The following KIZ variants were observed in gnomAD, a reference collection of about 807,000 sequenced individuals.
KIZ encodes centrosomal protein kizuna.
A neutral mutation model predicts 79.6 loss-of-function variants in KIZ; 68 were observed. The observed-to-expected ratio is 0.85, with a 90% CI of 0.70 to 1.05. KIZ has a LOEUF of 1.05. Among genes scored for constraint, KIZ ranks in the 50% least tolerant of loss-of-function variants. The pLI is 0.00. For synonymous variants in KIZ, 280 were observed against 281.8 expected, an observed-to-expected ratio of 0.99 and a Z score of 0.06; for missense variants, 797 against 800.4, an observed-to-expected ratio of 1.00 and a Z score of 0.05.
At chr20:21,197,821 A>G (rs1568967409) in intron 6 of KIZ, 1 of 152,238 alleles carries the variant, frequency 6.6e-6, no homozygotes, top group South Asian at 2.1e-4. Context: ...CATCTCCTGC[A>G]GCATCTTTTT....
At chr20:21,210,835 TATTAC>T (rs893337229) in intron 7 of KIZ, among the ~76,000 whole-genome samples, 2 of 152,150 alleles carry the variant, frequency 1.3e-5, no homozygotes, top group Non-Finnish European at 2.9e-5. Flanking sequence ...TTGACCTTTT[TATTAC>T]AATTGAGGTC....
chr20:21,177,400 T>G (rs756317881), intron 6 of KIZ, among the ~76,000 whole-genome samples: 13 of 152,188 alleles, frequency 8.5e-5, no homozygotes, highest in Non-Finnish European at 1.2e-4. Flanking sequence ...AAATGTTTAT[T>G]CAGGTCTTTA....
At position 21,246,598 on chromosome 20, in the gene KIZ, A is replaced by G; in HGVS notation, c.*22A>G. 1 of 1,403,368 alleles carries G rather than the reference A, an allele frequency of 7.1e-7. No homozygotes were observed. Among genetic ancestry groups the G allele is most frequent in the Non-Finnish European group, 1.0e-6 (1 of 994,990 alleles). The allele number at this position is 1,403,368 out of a possible 1,614,324, so 86.9% of individuals were successfully genotyped here. On this transcript the variant is annotated 3_prime_UTR_variant, in exon 13 of 13. Transcript: ENST00000619189. ...CTAACGTGCTGTGACATTGGTTTCA[A>G]ATAAAGTCTTTAAACAAACTAAAAT...
intron 11 of KIZ, among the ~76,000 whole-genome samples, chr20:21,240,144 A>G (rs950931268): frequency 2.0e-5 from 3 of 150,868 alleles, no homozygotes; most frequent in African/African-American, 7.4e-5. Context: ...TTTTTTTTTG[A>G]GACGGTGTCT....
chr20:21,182,245 C>A (rs2034684958), intron 6 of KIZ, among the ~76,000 whole-genome samples: 1 of 152,098 alleles, frequency 6.6e-6, no homozygotes, highest in Non-Finnish European at 1.5e-5. Flanking sequence ...TGTCTCGCCC[C>A]CACCGTCTGA....
At chr20:21,158,420 A>T (rs1600406944) in intron 4 of KIZ, 1 of 152,208 alleles carries the variant, frequency 6.6e-6, no homozygotes, top group African/African-American at 2.4e-5. Context: ...GTGTGCAGAG[A>T]GACATACACT....
chr20:21,217,153 T>G (rs2036324147), intron 9 of KIZ, among the ~76,000 whole-genome samples: 1 of 152,214 alleles, frequency 6.6e-6, no homozygotes, highest in Non-Finnish European at 1.5e-5. Flanking sequence ...TGGAAATTTT[T>G]TAAAAACTTA....
intron 6 of KIZ, among the ~76,000 whole-genome samples, chr20:21,175,872 C>T (rs2034409751): frequency 6.6e-6 from 1 of 152,070 alleles, no homozygotes; most frequent in South Asian, 2.1e-4. Context: ...AAAAATTAGC[C>T]AGTCATGGTG....
chr20:21,233,185 G>T (rs372020378), intron 11 of KIZ, among the ~76,000 whole-genome samples: 6 of 152,194 alleles, frequency 3.9e-5, no homozygotes, highest in East Asian at 3.9e-4. Context: ...AAATAAAGTG[G>T]CATGTTTCTT....
intron 6 of KIZ, among the ~76,000 whole-genome samples, chr20:21,172,496 G>A (rs1158518518): frequency 6.6e-6 from 1 of 152,048 alleles, no homozygotes; most frequent in Non-Finnish European, 1.5e-5. Flanking sequence ...TATTTGGGGA[G>A]GGTGAGGCAG....
chr20:21,127,527 G>A (rs895000079), intron 1 of KIZ, among the ~76,000 whole-genome samples: 5 of 152,158 alleles, frequency 3.3e-5, no homozygotes, highest in African/African-American at 9.7e-5. Context: ...ATTAAACAAG[G>A]TGAGGCTGTT....
chr20:21,151,776 G>C (rs2122569203), intron 4 of KIZ: 1 of 152,296 alleles, frequency 6.6e-6, no homozygotes, highest in South Asian at 2.1e-4. Context: ...CAGTCACGAT[G>C]AATACACACA....
At chr20:21,146,761 C>T (rs1475762598) in intron 4 of KIZ, among the ~76,000 whole-genome samples, 2 of 151,972 alleles carry the variant, frequency 1.3e-5, no homozygotes, top group Non-Finnish European at 2.9e-5. Context: ...TTTCTTTCTT[C>T]CGTGCATTAG....
Position 21,162,433 on chromosome 20 carries a change from T to TA in KIZ, c.969dup (p.Pro324ThrfsTer7), listed in dbSNP as rs1317046378. 7 of 1,612,946 alleles carry TA rather than the reference T, an allele frequency of 4.3e-6. No homozygotes were observed. Among genetic ancestry groups the TA allele is most frequent in the Non-Finnish European group, 5.9e-6 (7 of 1,179,116 alleles). On this transcript the variant is annotated frameshift_variant, in exon 5 of 13. Coordinates refer to ENST00000619189, the MANE Select transcript of KIZ (RefSeq NM_018474.6). LOFTEE classifies it high-confidence loss of function. The stretch of plus-strand genomic sequence containing the variant: ...AGAGCCAGCCCGCCAGTCTCTCCGA[T>TA]ACCAGTTTCAGAATACTGTGAATCT...
At chr20:21,144,605 C>A (rs1222255698) in intron 3 of KIZ, among the ~76,000 whole-genome samples, 3 of 148,802 alleles carry the variant, frequency 2.0e-5, no homozygotes, top group African/African-American at 7.4e-5. Flanking sequence ...AAAATCCATA[C>A]CTAACTGTTA....
chr20:21,230,438 G>C lies in KIZ; in HGVS notation c.1783+1323G>C, dbSNP rs376155720. Among the ~76,000 whole-genome samples the C allele has an allele frequency of 1.5e-4, 23 of 152,330 alleles. No homozygotes were observed. In the East Asian group the frequency reaches 2.3e-3, roughly 15 times the overall value. ...TGCAGCAAGCTATGATCACACCACTGCACTGGGCAACAGAGCAAGACCCTA... is the reference window on the plus strand; with the variant it reads ...TGCAGCAAGCTATGATCACACCACTCCACTGGGCAACAGAGCAAGACCCTA... On this transcript the variant is annotated intron_variant, in intron 10 of 12. Coordinates refer to ENST00000619189, the MANE Select transcript of KIZ (RefSeq NM_018474.6).
chr20:21,240,604 G>C (rs564520465), intron 11 of KIZ, among the ~76,000 whole-genome samples: 4 of 152,364 alleles, frequency 2.6e-5, no homozygotes, highest in South Asian at 2.1e-4. Flanking sequence ...GCCATGGTGC[G>C]GGGGAAAGGC....
chr20:21,237,755 T>C (rs1036192949), intron 11 of KIZ, among the ~76,000 whole-genome samples: 1 of 152,180 alleles, frequency 6.6e-6, no homozygotes, highest in African/African-American at 2.4e-5. Context: ...CCTAGCTATT[T>C]CTGTTATCAT....
At chr20:21,221,823 G>A (rs1401689604) in intron 9 of KIZ, among the ~76,000 whole-genome samples, 1 of 152,136 alleles carries the variant, frequency 6.6e-6, no homozygotes, top group Middle Eastern at 3.2e-3. Context: ...ATTTATCCTG[G>A]GAGGAAAGAC....
Sources: allele counts gnomAD v4.1 joint callset (sites outside exome capture counted in the v4.1 genomes callset), GRCh38; gene constraint gnomAD v4.1.1; transcripts MANE v1.5; gene names NCBI Gene and HGNC (gene_info 2026-07-23, HGNC 2026-07-21).